ARHGAP28: variants seen among roughly 807,000 people sequenced by gnomAD.
The protein encoded by ARHGAP28 is Rho GTPase activating protein 28, also known as rho GTPase-activating protein 28.
Under a neutral mutation model 90.7 loss-of-function variants are expected in ARHGAP28, and 56 were observed. The ratio of observed to expected loss-of-function variants is 0.62; its 90% confidence interval spans 0.50 to 0.77. ARHGAP28 has a LOEUF of 0.77. Among genes scored for constraint, ARHGAP28 ranks in the 30% least tolerant of loss-of-function variants. The pLI is 0.00. For missense variants in ARHGAP28, 869 were observed against 900.9 expected (o/e 0.96, Z 0.45); for synonymous variants, 308 against 323.3 (o/e 0.95, Z 0.51).
At chr18:6,735,364 C>T (rs11875223) in intron 1 of ARHGAP28, among the ~76,000 whole-genome samples, 3,064 of 152,166 alleles carry the variant, frequency 0.02, 111 homozygotes, top group African/African-American at 0.07. Flanking sequence ...CCAATAAAAT[C>T]GGAATTTTCC....
In ARHGAP28 at chr18:6,729,832, A is replaced by G; in HGVS notation, c.11A>G (p.Glu4Gly). 1 of 1,421,518 alleles carries G rather than the reference A, an allele frequency of 7.0e-7. No homozygotes were observed. The allele number at this position is 1,421,518 out of a possible 1,614,324, so 88.1% of individuals were successfully genotyped here. A position where few individuals can be genotyped will look rare whatever the true frequency, so the allele number is the denominator to read the frequency against. The stretch of plus-strand genomic sequence containing the variant: ...CATGCGCGGCTGACGATGGAGGTGG[A>G]GGACTCGGGCGGCGTGGTGCTGACC... MEV[E>G]DSGGVVLTAY... is the part of the protein sequence containing the mutation. Residue 4 changes from glutamate to glycine, a missense_variant, in exon 1 of 18, where the codon GAG (glutamate) becomes GGG (glycine). Coordinates refer to ENST00000383472, the MANE Select transcript of ARHGAP28 (RefSeq NM_001366230.1).
At chr18:6,790,454 C>T (rs368331357) in intron 1 of ARHGAP28, 5 of 152,236 alleles carry the variant, frequency 3.3e-5, no homozygotes, top group African/African-American at 1.2e-4. Flanking sequence ...TTGTCAGACT[C>T]GGTAAATGGT....
At chr18:6,805,907 A>G (rs2056515679) in intron 1 of ARHGAP28, among the ~76,000 whole-genome samples, 1 of 149,762 alleles carries the variant, frequency 6.7e-6, no homozygotes, top group Non-Finnish European at 1.5e-5. Flanking sequence ...TTTTTTGGAG[A>G]CAGAGTCTCA....
chr18:6,828,474 G>C (rs1472002349), intron 2 of ARHGAP28, among the ~76,000 whole-genome samples: 2 of 152,128 alleles, frequency 1.3e-5, no homozygotes, highest in Non-Finnish European at 2.9e-5. Context: ...ATTGCCTTTG[G>C]GAACTTGGCC....
At chr18:6,796,715 G>A (rs1475049171) in intron 1 of ARHGAP28, among the ~76,000 whole-genome samples, 1 of 152,178 alleles carries the variant, frequency 6.6e-6, no homozygotes, top group East Asian at 1.9e-4. Context: ...AGATTGGCAA[G>A]TGAACCTATT....
At chr18:6,845,714 G>A (rs1600240884) in intron 3 of ARHGAP28, among the ~76,000 whole-genome samples, 1 of 152,264 alleles carries the variant, frequency 6.6e-6, no homozygotes, top group Admixed American at 6.5e-5. Context: ...TGAGGATGAT[G>A]GCTTCCAGCT....
chr18:6,804,952 C>A (rs1262379337), intron 1 of ARHGAP28, among the ~76,000 whole-genome samples: 4 of 152,112 alleles, frequency 2.6e-5, no homozygotes, highest in Non-Finnish European at 4.4e-5. Flanking sequence ...TCTACCTGTT[C>A]TATAGATTAT....
At position 6,859,926 on chromosome 18, in the gene ARHGAP28, T is replaced by C. The variant is rs202165521; in HGVS notation, c.726+29T>C. 92 of 1,595,204 alleles carry C rather than the reference T, an allele frequency of 5.8e-5. 2 individuals carry two copies. The East Asian group carries it at 1.8e-3, about 32-fold the overall frequency. ...AGTCATCCATGTCAGCACAGTTACATGTCAAGGTACAGTTGCAAGTCAAAG... is the reference window on the plus strand; with the variant it reads ...AGTCATCCATGTCAGCACAGTTACACGTCAAGGTACAGTTGCAAGTCAAAG... On this transcript the variant is annotated intron_variant, in intron 5 of 17. Transcript: ENST00000383472.
At chr18:6,877,598 G>A (rs1300472218) in intron 10 of ARHGAP28, among the ~76,000 whole-genome samples, 2 of 152,204 alleles carry the variant, frequency 1.3e-5, no homozygotes, top group Admixed American at 1.3e-4. Flanking sequence ...AGGGCTCCGG[G>A]CATGTTGAGG....
intron 16 of ARHGAP28, among the ~76,000 whole-genome samples, chr18:6,904,865 C>T (rs866411640): frequency 6.6e-6 from 1 of 152,018 alleles, no homozygotes; most frequent in Non-Finnish European, 1.5e-5. Flanking sequence ...TACCAAAATA[C>T]AACCAAAATG....
intron 4 of ARHGAP28, among the ~76,000 whole-genome samples, chr18:6,851,794 C>T (rs1329449038): frequency 1.3e-5 from 2 of 152,050 alleles, no homozygotes; most frequent in Non-Finnish European, 2.9e-5. Flanking sequence ...AGAAGCCAGA[C>T]CCAAAAATAT....
At chr18:6,878,491 A>G (rs931567225) in intron 10 of ARHGAP28, among the ~76,000 whole-genome samples, 3 of 152,058 alleles carry the variant, frequency 2.0e-5, no homozygotes, top group African/African-American at 2.4e-5. Flanking sequence ...AACTTAAAGT[A>G]TAATAAAAAA....
At chr18:6,862,022 G>C (rs1276695398) in intron 5 of ARHGAP28, among the ~76,000 whole-genome samples, 1 of 152,108 alleles carries the variant, frequency 6.6e-6, no homozygotes, top group Non-Finnish European at 1.5e-5. Flanking sequence ...GCAGTATTGG[G>C]TCTAAAAAAT....
At chr18:6,754,430 C>A (rs2056093375) in intron 1 of ARHGAP28, among the ~76,000 whole-genome samples, 1 of 152,108 alleles carries the variant, frequency 6.6e-6, no homozygotes, top group Non-Finnish European at 1.5e-5. Context: ...TTTTAAGAAT[C>A]CATGCTGGCT....
intron 7 of ARHGAP28, among the ~76,000 whole-genome samples, chr18:6,872,522 A>AGCTTTATAATTTAAATTTAAG (rs2143541639): frequency 6.6e-6 from 1 of 152,342 alleles, no homozygotes; most frequent in East Asian, 1.9e-4. Flanking sequence ...GTGAACTTAA[A>AGCTTTATAATTTAAATTTAAG]GCTTTATAAT....
At chr18:6,730,404 G>T (rs913928790) in intron 1 of ARHGAP28, among the ~76,000 whole-genome samples, 2 of 151,968 alleles carry the variant, frequency 1.3e-5, no homozygotes, top group East Asian at 3.9e-4. Context: ...TAAAATTTAG[G>T]TTGAGAAATT....
chr18:6,753,019 C>T (rs769162099), intron 1 of ARHGAP28, among the ~76,000 whole-genome samples: 2 of 151,812 alleles, frequency 1.3e-5, no homozygotes, highest in Non-Finnish European at 2.9e-5. Flanking sequence ...GACCCTCAAG[C>T]TTTTCCTAAT....
chr18:6,731,968 G>A (rs1202286962), intron 1 of ARHGAP28, among the ~76,000 whole-genome samples: 1 of 151,950 alleles, frequency 6.6e-6, no homozygotes, highest in Non-Finnish European at 1.5e-5. Flanking sequence ...GCAATGACCA[G>A]AATGGCCCTA....
chr18:6,908,929 T>C lies in ARHGAP28; in HGVS notation c.2031-31T>C, dbSNP rs183252013. 1.2e-5 allele frequency: 16 copies of C among 1,355,678 alleles called. No homozygotes were observed. The African/African-American group carries it at 1.5e-4, about 12-fold the overall frequency. 84.0% of individuals were successfully genotyped at this position (1,355,678 alleles called of 1,614,324 possible). ...TTTACCTCAGATCAGGAAAAAGTAC[T>C]AAAATTATATTATTTTCTCATTTTT... On this transcript the variant is annotated intron_variant, in intron 16 of 17. Coordinates refer to ENST00000383472, the MANE Select transcript of ARHGAP28 (RefSeq NM_001366230.1).
Sources: gnomAD v4.1 joint callset for allele counts (sites outside exome capture counted in the v4.1 genomes callset) on GRCh38, gnomAD v4.1.1 for gene constraint, MANE v1.5 for transcripts, NCBI Gene and HGNC (gene_info 2026-07-23, HGNC 2026-07-21) for gene names.